The following RTN4 variants were observed in gnomAD, a reference collection of about 807,000 sequenced individuals.
The protein encoded by RTN4 is reticulon-4.
RTN4 carries 32 observed loss-of-function variants against 90.4 expected under a neutral mutation model. The observed-to-expected ratio is 0.35, with a 90% CI of 0.27 to 0.48. The LOEUF (loss-of-function observed/expected upper bound fraction) is 0.48, where lower values mean the gene tolerates loss of function less well. Among genes scored for constraint, RTN4 ranks in the 20% least tolerant of loss-of-function variants. The pLI is 0.99. For synonymous variants in RTN4, 629 were observed against 552.5 expected (o/e 1.14, Z -1.94); for missense variants, 1,706 against 1,430.2 (o/e 1.19, Z -3.11).
At chr2:55,013,322 C>T (rs1350320420) in intron 3 of RTN4, among the ~76,000 whole-genome samples, 2 of 152,094 alleles carry the variant, frequency 1.3e-5, no homozygotes, top group Non-Finnish European at 2.9e-5. Flanking sequence ...TCCATGTCCC[C>T]AGTATCCCCT....
In RTN4 at chr2:55,025,394, T is replaced by C; in HGVS notation, c.2705A>G (p.Asn902Ser). ...CAATGACCCAGCTCCATCCGGGGCATTAGCAATTTCACTTTTGTGGGATAC... is the reference window on the plus strand; with the variant it reads ...CAATGACCCAGCTCCATCCGGGGCACTAGCAATTTCACTTTTGTGGGATAC... ...LEVSHKSEIA[N>S]APDGAGSLPC... is the part of the protein sequence containing the mutation. Residue 902 changes from asparagine (N) to serine (S), a missense_variant, in exon 3 of 9, where the codon AAT (asparagine) becomes AGT (serine). By Grantham distance (46) the Asn-to-Ser change is conservative (BLOSUM62 1). Coordinates refer to ENST00000337526, the MANE Select transcript of RTN4 (RefSeq NM_020532.5). The C allele has an allele frequency of 6.2e-7, 1 of 1,613,942 alleles. No individual in the cohort carries two copies. The highest frequency in any genetic ancestry group is 8.5e-7 in the Non-Finnish European group (1 of 1,179,880).
chr2:55,050,114 G>C lies in RTN4; in HGVS notation c.187C>G (p.Leu63Val), dbSNP rs1668020287. The C allele has an allele frequency of 6.6e-7, 1 of 1,505,924 alleles. No homozygotes were observed. 93.3% of individuals were successfully genotyped at this position (1,505,924 alleles called of 1,614,324 possible). The stretch of plus-strand genomic sequence containing the variant: ...GCGGTGGGCACTGGGGCCGCGGACA[G>C]CCCGGCGGCGGGCTTCCTCTCCAGC... ...EVLERKPAAG[L>V]SAAPVPTAPA... Residue 63 changes from leucine to valine, a missense_variant, in exon 1 of 9, where the codon CTG becomes GTG. By Grantham distance (32) the Leu-to-Val change is conservative. Transcript: ENST00000337526. The surrounding 1 kb of genome is among the most constrained non-coding windows in gnomAD (Gnocchi z 4.6).
the RTN4 span, among the ~76,000 whole-genome samples, chr2:55,124,702 G>A: frequency 6.6e-6 from 1 of 151,982 alleles, no homozygotes; most frequent in East Asian, 1.9e-4. Flanking sequence ...CACAGAACTA[G>A]AAAAAAACTA....
At chr2:54,991,465 C>A (rs898080415) in intron 3 of RTN4, among the ~76,000 whole-genome samples, 3 of 152,178 alleles carry the variant, frequency 2.0e-5, no homozygotes, top group African/African-American at 7.2e-5. Flanking sequence ...CTAGCATGTA[C>A]CAGCTCAGCA....
intron 1 of RTN4, among the ~76,000 whole-genome samples, chr2:55,096,977 T>A (rs1293962383): frequency 6.6e-6 from 1 of 151,790 alleles, no homozygotes; most frequent in Non-Finnish European, 1.5e-5. Flanking sequence ...GTACAAATTT[T>A]AAAGGGAGCA....
At chr2:55,125,694 A>G in the RTN4 span, among the ~76,000 whole-genome samples, 1 of 152,164 alleles carries the variant, frequency 6.6e-6, no homozygotes, top group African/African-American at 2.4e-5. Context: ...TGAACTCAGG[A>G]GGCGGAGGTT....
At chr2:54,974,847 A>T in intron 5 of RTN4, 83 bp from the exon 6 acceptor site, 1 of 1,129,412 alleles carries the variant, frequency 8.9e-7, no homozygotes, top group Non-Finnish European at 1.3e-6. Context: ...TCCCATCTAA[A>T]TGCCTACCTA....
intron 3 of RTN4, among the ~76,000 whole-genome samples, chr2:54,988,561 T>G (rs1182865932): frequency 6.6e-6 from 1 of 152,160 alleles, no homozygotes; most frequent in Non-Finnish European, 1.5e-5. Flanking sequence ...GCTCTTAAGA[T>G]CTGTCTTTTA....
rs201675684 is a variant in RTN4 at position 55,028,267 on chromosome 2, G to T, written c.557-47C>A. 2,731 of 1,542,098 alleles carry T rather than the reference G, an allele frequency of 1.8e-3. 4 individuals carry two copies. The highest frequency in any genetic ancestry group is 2.3e-3 in the Non-Finnish European group (2,567 of 1,124,524). On this transcript the variant is annotated intron_variant, in intron 1 of 8. Transcript: ENST00000337526. Reference sequence around the variant, plus strand: ...ACCTCAGCAGAAATAAAGACAGATTGAAAGGAGACTAAAGATAAGAGGAGC... The same window carrying T: ...ACCTCAGCAGAAATAAAGACAGATTTAAAGGAGACTAAAGATAAGAGGAGC...
chr2:55,092,010 A>G (rs899749039), intron 1 of RTN4, among the ~76,000 whole-genome samples: 8 of 151,978 alleles, frequency 5.3e-5, no homozygotes, highest in Admixed American at 5.2e-4. Flanking sequence ...ACACAATTCA[A>G]GTTGAGATTT....
Position 55,027,355 on chromosome 2 carries a change from T to C in RTN4, c.744A>G (p.Glu248=). Residue 248 remains glutamate, a synonymous_variant, in exon 3 of 9, where the codon GAA becomes GAG. Coordinates refer to ENST00000337526, the MANE Select transcript of RTN4 (RefSeq NM_020532.5). ...LSPLSAASFK[E]HEYLGNLSTV... ...TTGACAAATTACCAAGGTATTCATGTTCTTTGAAAGAAGCGGCTGAGAGAG... is the reference window on the plus strand; with the variant it reads ...TTGACAAATTACCAAGGTATTCATGCTCTTTGAAAGAAGCGGCTGAGAGAG... The C allele has an allele frequency of 6.2e-7, 1 of 1,613,704 alleles. No homozygotes were observed. The highest frequency in any genetic ancestry group is 8.5e-7 in the Non-Finnish European group (1 of 1,179,772).
At chr2:54,974,438 C>T (rs1677435517) in intron 6 of RTN4, among the ~76,000 whole-genome samples, 1 of 152,152 alleles carries the variant, frequency 6.6e-6, no homozygotes, top group Admixed American at 6.6e-5. Context: ...CGCCACCACG[C>T]CCAGCTAATT....
At chr2:55,023,162 C>G (rs1006260236) in intron 3 of RTN4, among the ~76,000 whole-genome samples, 16 of 152,180 alleles carry the variant, frequency 1.1e-4, no homozygotes, top group African/African-American at 3.6e-4. Context: ...CCTCAACTTT[C>G]TTGACTTACT....
upstream of RTN4, among the ~76,000 whole-genome samples, chr2:55,116,203 T>C (rs1319860700): frequency 6.7e-6 from 1 of 149,350 alleles, no homozygotes; most frequent in Non-Finnish European, 1.5e-5. Flanking sequence ...GCTAGGATTA[T>C]AGGCATGAGT....
the RTN4 span, among the ~76,000 whole-genome samples, chr2:55,131,123 G>C: frequency 6.6e-6 from 1 of 152,056 alleles, no homozygotes; most frequent in Non-Finnish European, 1.5e-5. Flanking sequence ...TTTCACCCAG[G>C]CTAGAGTGCA....
At chr2:55,033,340 A>G (rs1682458852) in intron 1 of RTN4, among the ~76,000 whole-genome samples, 1 of 152,342 alleles carries the variant, frequency 6.6e-6, no homozygotes, top group South Asian at 2.1e-4. Context: ...ATCTAAAATT[A>G]TATACAGATG....
At chr2:55,067,146 G>C (rs1210646055) in intron 2 of RTN4, among the ~76,000 whole-genome samples, 1 of 152,156 alleles carries the variant, frequency 6.6e-6, no homozygotes, top group South Asian at 2.1e-4. Context: ...GAAAATCTAG[G>C]GTTAATGTCC....
chr2:55,030,678 A>G (rs1396925808), intron 1 of RTN4, among the ~76,000 whole-genome samples: 2 of 152,182 alleles, frequency 1.3e-5, no homozygotes, highest in Non-Finnish European at 2.9e-5. Context: ...AGGAGGCCAG[A>G]GGGTCAAAAC....
rs140248604 is a variant in RTN4, at chr2:55,022,235, C to T, written c.3013+2851G>A. ...GGAGACTTCAAAGGTGTTGCTACAC[C>T]GATTACTCCTTGCTCTTCACCCAGT... On this transcript the variant is annotated intron_variant, in intron 3 of 8. Coordinates refer to ENST00000337526, the MANE Select transcript of RTN4 (RefSeq NM_020532.5). Among the ~76,000 whole-genome samples, 1,333 of 152,186 alleles carry T rather than the reference C, an allele frequency of 8.8e-3. 7 individuals are homozygous for T. The highest frequency in any genetic ancestry group is 0.013 in the Non-Finnish European group (913 of 68,004).
Sources: gnomAD v4.1 joint callset for allele counts (sites outside exome capture counted in the v4.1 genomes callset) on GRCh38, gnomAD v4.1.1 for gene constraint, Gnocchi (gnomAD v3.1) non-coding constraint, MANE v1.5 for transcripts, NCBI Gene and HGNC (gene_info 2026-07-23, HGNC 2026-07-21) for gene names.